The following FRAS1 variants were observed in gnomAD, a reference collection of about 807,000 sequenced individuals.
FRAS1 encodes the protein Fraser extracellular matrix complex subunit 1, also known as extracellular matrix organizing protein FRAS1.
A neutral mutation model predicts 435.2 loss-of-function variants in FRAS1; 290 were observed. That is an observed-to-expected ratio of 0.67 (90% CI 0.61 to 0.73). The LOEUF (loss-of-function observed/expected upper bound fraction) is 0.73. FRAS1 is among the 30% of genes least tolerant of loss of function. The pLI is 0.00. For synonymous variants in FRAS1, 1,800 were observed against 1,851.0 expected, an observed-to-expected ratio of 0.97 and a Z score of 0.71; for missense variants, 4,860 against 5,001.5, an observed-to-expected ratio of 0.97 and a Z score of 0.85.
At chr4:78,285,168 A>G (rs1727524412) in intron 13 of FRAS1, among the ~76,000 whole-genome samples, 2 of 151,912 alleles carry the variant, frequency 1.3e-5, no homozygotes, top group Admixed American at 6.5e-5. Flanking sequence ...TATTCCCCTT[A>G]TTTCTGACTT....
At chr4:78,364,449 A>C (rs1731189608) in intron 22 of FRAS1, among the ~76,000 whole-genome samples, 1 of 152,214 alleles carries the variant, frequency 6.6e-6, no homozygotes, top group African/African-American at 2.4e-5. Context: ...TCAGTGGACT[A>C]AGCACGTCTC....
At chr4:78,264,969 T>C in intron 6 of FRAS1, 56 bp from the exon 7 acceptor site, 2 of 1,060,506 alleles carry the variant, frequency 1.9e-6, no homozygotes, top group Non-Finnish European at 2.9e-6. Flanking sequence ...TTTCCTGCTG[T>C]TGTGGATCTT....
Position 78,400,883 on chromosome 4 carries a change from G to A in FRAS1, c.4125G>A (p.Gln1375=), listed in dbSNP as rs2110345500. 1 of 1,613,480 alleles carries A rather than the reference G, an allele frequency of 6.2e-7. No homozygotes were observed. The highest frequency in any genetic ancestry group is 8.5e-7 in the Non-Finnish European group (1 of 1,179,682). Residue 1375 remains glutamine (Q), a synonymous_variant, in exon 30 of 74, where the codon CAG becomes CAA. Transcript: ENST00000512123. The part of the protein sequence containing the change: ...IIYKITQDYP[Q]FGEVVLLVNM... ...ACAAGATTACACAAGACTACCCCCA[G>A]TTTGGTAACTATTTTTTCCTTTGGC...
intron 2 of FRAS1, among the ~76,000 whole-genome samples, chr4:78,233,662 A>G (rs1328198966): frequency 6.6e-6 from 1 of 152,174 alleles, no homozygotes; most frequent in Non-Finnish European, 1.5e-5. Context: ...CTTTCAATAA[A>G]CTTATTGAAT....
At chr4:78,073,167 TA>T (rs951246986) in intron 2 of FRAS1, among the ~76,000 whole-genome samples, 6 of 152,230 alleles carry the variant, frequency 3.9e-5, no homozygotes, top group Non-Finnish European at 8.8e-5. Flanking sequence ...TGGGTTTTTA[TA>T]AATTGTCCAT....
At chr4:78,186,546 A>T (rs1475852599) in intron 2 of FRAS1, among the ~76,000 whole-genome samples, 6 of 152,184 alleles carry the variant, frequency 3.9e-5, no homozygotes, top group Admixed American at 3.3e-4. Flanking sequence ...TGTTTTATAT[A>T]GATATAGTTT....
intron 2 of FRAS1, among the ~76,000 whole-genome samples, chr4:78,120,065 T>A (rs1447796861): frequency 2.0e-5 from 3 of 152,196 alleles, no homozygotes; most frequent in Non-Finnish European, 2.9e-5. Flanking sequence ...GGGGAGAATT[T>A]TTTAAAGTTA....
intron 2 of FRAS1, among the ~76,000 whole-genome samples, chr4:78,170,591 T>C (rs879466589): frequency 6.6e-6 from 1 of 152,084 alleles, no homozygotes; most frequent in Non-Finnish European, 1.5e-5. Flanking sequence ...ATTTGTTGAA[T>C]AAATGAACCA....
intron 2 of FRAS1, among the ~76,000 whole-genome samples, chr4:78,077,944 A>G (rs1253252023): frequency 1.3e-5 from 2 of 151,704 alleles, no homozygotes; most frequent in Admixed American, 1.3e-4. Flanking sequence ...AGAGAATGGG[A>G]AGAAAACTCC....
intron 3 of FRAS1, among the ~76,000 whole-genome samples, chr4:78,243,467 C>A (rs1185498547): frequency 1.3e-5 from 2 of 152,030 alleles, no homozygotes; most frequent in Non-Finnish European, 2.9e-5. Flanking sequence ...TCCATGCAGC[C>A]CACAGCTCAC....
intron 2 of FRAS1, among the ~76,000 whole-genome samples, chr4:78,140,529 G>A (rs997397444): frequency 6.6e-6 from 1 of 152,044 alleles, no homozygotes; most frequent in African/African-American, 2.4e-5. Context: ...TGAGCTAGAA[G>A]ATCTTTAAAA....
Position 78,245,249 on chromosome 4 carries a change from TA to T in FRAS1, c.234del (p.Ile78MetfsTer12), listed in dbSNP as rs1725177764. 10 of 1,607,274 alleles carry T rather than the reference TA, an allele frequency of 6.2e-6. No homozygotes were observed. Among genetic ancestry groups the T allele is most frequent in the Non-Finnish European group, 8.5e-6 (10 of 1,176,830 alleles). ...CAFEKGEVLQ[I>X]AANQCCPECV... ...AATGCTCAGGGAGAAGTGCTTCAAA[TA>T]GCTGCCAACCAATGCTGTCCTGAGT... On this transcript the variant is annotated frameshift_variant, in exon 4 of 74. Coordinates refer to ENST00000512123, the MANE Select transcript of FRAS1 (RefSeq NM_025074.7). LOFTEE classifies it high-confidence loss of function.
chr4:78,457,009 T>C (rs1322444989), intron 47 of FRAS1, among the ~76,000 whole-genome samples: 2 of 152,136 alleles, frequency 1.3e-5, no homozygotes, highest in African/African-American at 2.4e-5. Context: ...TTGCTACTTC[T>C]GTAATACTTC....
chr4:78,489,984 A>AAAAAAAAG (rs1553891104), intron 59 of FRAS1, among the ~76,000 whole-genome samples: 1 of 150,788 alleles, frequency 6.6e-6, no homozygotes, highest in Non-Finnish European at 1.5e-5. Flanking sequence ...AAAAAAAAAA[A>AAAAAAAAG]AAAGAAAAGC....
Position 78,384,564 on chromosome 4 carries a change from C to T in FRAS1, c.3648+421C>T, listed in dbSNP as rs80038537. Among the ~76,000 whole-genome samples the T allele has an allele frequency of 9.1e-3, 1,384 of 152,070 alleles. 15 individuals carry two copies. The highest frequency in any genetic ancestry group is 0.024 in the Middle Eastern group (7 of 294). On this transcript the variant is annotated intron_variant, in intron 28 of 73. Transcript: ENST00000512123. ...GGTGTTCTTAACCGTTATATTATGA[C>T]GCATAACTTTACTATACTAAATCTG...
chr4:78,219,655 A>G (rs1560587343), intron 2 of FRAS1, among the ~76,000 whole-genome samples: 1 of 152,224 alleles, frequency 6.6e-6, no homozygotes, highest in Non-Finnish European at 1.5e-5. Context: ...AAACAATAAT[A>G]AACTTTGTTG....
intron 32 of FRAS1, among the ~76,000 whole-genome samples, chr4:78,416,327 CA>C (rs1158016954): frequency 2.6e-5 from 4 of 151,668 alleles, no homozygotes; most frequent in Non-Finnish European, 5.9e-5. Context: ...GGGAGTTGTT[CA>C]ATGGATATAG....
At chr4:78,462,067 T>G (rs572850191) in intron 47 of FRAS1, among the ~76,000 whole-genome samples, 4 of 152,104 alleles carry the variant, frequency 2.6e-5, no homozygotes, top group Non-Finnish European at 2.9e-5. Context: ...TACCAAAGCT[T>G]ATGAAATTGC....
At chr4:78,078,081 C>G (rs1020920576) in intron 2 of FRAS1, among the ~76,000 whole-genome samples, 3 of 152,052 alleles carry the variant, frequency 2.0e-5, no homozygotes, top group African/African-American at 7.2e-5. Flanking sequence ...GTTTGGCTAG[C>G]TATTTTTTTA....
Sources: allele counts gnomAD v4.1 joint callset (sites outside exome capture counted in the v4.1 genomes callset), GRCh38; gene constraint gnomAD v4.1.1; transcripts MANE v1.5; gene names NCBI Gene and HGNC (gene_info 2026-07-23, HGNC 2026-07-21).